PRRC2C: variants seen among roughly 807,000 people sequenced by gnomAD.
PRRC2C encodes protein PRRC2C.
Under a neutral mutation model 317.2 loss-of-function variants are expected in PRRC2C, and 72 were observed. That is an observed-to-expected ratio of 0.23 (90% CI 0.19 to 0.28). The LOEUF (loss-of-function observed/expected upper bound fraction) is 0.28, where lower values mean the gene tolerates loss of function less well. Among genes scored for constraint, PRRC2C ranks in the 10% least tolerant of loss-of-function variants. The probability of loss-of-function intolerance (pLI) is 1.00; values close to 1 mark genes in which losing one functional copy is unlikely to be tolerated. For synonymous variants in PRRC2C, 1,296 were observed against 1,205.9 expected, an observed-to-expected ratio of 1.07 and a Z score of -1.55; for missense variants, 3,074 against 3,459.7, an observed-to-expected ratio of 0.89 and a Z score of 2.80.
chr1:171,551,422 T>C (rs1229691042), intron 18 of PRRC2C, among the ~76,000 whole-genome samples: 1 of 152,240 alleles, frequency 6.6e-6, no homozygotes. Flanking sequence ...GCCTGTTCAC[T>C]CTGATGGTAG....
Position 171,524,950 on chromosome 1 carries a change from A to G in PRRC2C, c.1185A>G (p.Gly395=). The change falls in exon 10 of 35, where the codon GGA becomes GGG. Residue 395 remains glycine, a synonymous_variant. Coordinates refer to ENST00000647382, the MANE Select transcript of PRRC2C (RefSeq NM_001387844.1). ...TAGCAAAAGTTCCCTATGGGAAAGG[A>G]CCTTCATTTAATCAGGTTTGTTGGA... The part of the protein sequence containing the change: ...PSVAKVPYGK[G]PSFNQERGTS... 6.2e-7 allele frequency: 1 copy of G among 1,606,186 alleles called. No homozygotes were observed.
intron 18 of PRRC2C, among the ~76,000 whole-genome samples, chr1:171,551,633 T>C (rs1221953754): frequency 6.6e-6 from 1 of 152,174 alleles, no homozygotes. Flanking sequence ...TGAATTAGTT[T>C]TTGTATAAGG....
At position 171,533,690 on chromosome 1, in the gene PRRC2C, C is replaced by T. The variant is rs1261087516; in HGVS notation, c.1873+729C>T. On this transcript the variant is annotated intron_variant, in intron 12 of 34. Coordinates refer to ENST00000647382, the MANE Select transcript of PRRC2C (RefSeq NM_001387844.1). ...CCAGGCTGGAGTGCAGTGGCGGAAT[C>T]TCAGCTCACTGCAAACTCCACCTCC... Among the ~76,000 whole-genome samples, 6 of 152,150 alleles carry T rather than the reference C, an allele frequency of 3.9e-5. No homozygotes were observed. The East Asian group carries it at 1.2e-3, about 29-fold the overall frequency.
intron 1 of PRRC2C, among the ~76,000 whole-genome samples, chr1:171,507,642 T>TTC (rs1484738410): frequency 1.3e-5 from 2 of 152,240 alleles, no homozygotes; most frequent in East Asian, 3.9e-4. Flanking sequence ...TAATGCCTGG[T>TTC]GAAGCATGTC....
chr1:171,539,356 C>G (rs1321211761), intron 15 of PRRC2C, among the ~76,000 whole-genome samples: 1 of 152,174 alleles, frequency 6.6e-6, no homozygotes, highest in Non-Finnish European at 1.5e-5. Flanking sequence ...GATATATCCT[C>G]TTAACAAAAA....
chr1:171,524,744 T>C (rs1172313369), intron 9 of PRRC2C, 77 bp from the exon 10 acceptor site: 4 of 1,397,228 alleles, frequency 2.9e-6, no homozygotes, highest in African/African-American at 1.5e-5. Context: ...AGAAATAATT[T>C]TTTTAATTGC....
chr1:171,575,241 C>T (rs986824864), intron 25 of PRRC2C, 113 bp downstream of exon 25: 2 of 1,064,370 alleles, frequency 1.9e-6, no homozygotes, highest in Non-Finnish European at 2.7e-6. Flanking sequence ...TCAATCTTCC[C>T]ACCTCAGCCT....
chr1:171,555,887 TGAG>T (rs2102626485), intron 18 of PRRC2C, among the ~76,000 whole-genome samples: 1 of 152,324 alleles, frequency 6.6e-6, no homozygotes, highest in South Asian at 2.1e-4. Flanking sequence ...GGGACCCACT[TGAG>T]GAGGCAGTCT....
At position 171,507,846 on chromosome 1, in the gene PRRC2C, G is replaced by T. The variant is rs570339250; in HGVS notation, c.-57-4186G>T. ...TTGTATCAATATTTTATAGTTTTCA[G>T]TGTATGGGTATTTTGCTCCCTTGGT... On this transcript the variant is annotated intron_variant, in intron 1 of 34. Transcript: ENST00000647382. Among the ~76,000 whole-genome samples, 9 of 152,244 alleles carry T rather than the reference G, an allele frequency of 5.9e-5. No individual in the cohort carries two copies. In the South Asian group the frequency reaches 1.9e-3, roughly 32 times the overall value.
At chr1:171,528,498 A>G (rs866888077) in intron 11 of PRRC2C, among the ~76,000 whole-genome samples, 1 of 150,978 alleles carries the variant, frequency 6.6e-6, no homozygotes, top group Non-Finnish European at 1.5e-5. Flanking sequence ...TCACCGTGTT[A>G]GCCAGGACGG....
chr1:171,554,822 G>A (rs952084876), intron 18 of PRRC2C, among the ~76,000 whole-genome samples: 1 of 152,158 alleles, frequency 6.6e-6, no homozygotes, highest in African/African-American at 2.4e-5. Context: ...AGTTTCTGCC[G>A]AGAGATCAGC....
At chr1:171,523,652 A>G (rs979456374) in intron 9 of PRRC2C, 130 bp downstream of exon 9, 2 of 827,958 alleles carry the variant, frequency 2.4e-6, no homozygotes, top group East Asian at 5.3e-5. Flanking sequence ...CAGAAGTTTT[A>G]CTGAATAGAG....
At chr1:171,579,319 A>G (rs1345559148) in intron 26 of PRRC2C, 35 bp from the exon 27 acceptor site, 1 of 1,581,102 alleles carries the variant, frequency 6.3e-7, no homozygotes, top group East Asian at 2.3e-5. Flanking sequence ...AAATTAGGAC[A>G]CTTACTACTG....
At position 171,532,476 on chromosome 1, in the gene PRRC2C, G is replaced by A. The variant is rs1429543851; in HGVS notation, c.1388G>A (p.Arg463His). The part of the protein sequence containing the change: ...QQSEISAAVE[R>H]ARKRREEEER... ...TCAGAAATTTCTGCAGCAGTAGAACGTGCTCGTAAACGGCGTGAAGAGGAA... is the reference window on the plus strand; with the variant it reads ...TCAGAAATTTCTGCAGCAGTAGAACATGCTCGTAAACGGCGTGAAGAGGAA... Residue 463 changes from arginine (R) to histidine (H), a missense_variant, in exon 12 of 35, where the codon CGT becomes CAT. Transcript: ENST00000647382. The A allele has an allele frequency of 2.5e-6, 4 of 1,613,316 alleles. No homozygotes were observed. Among genetic ancestry groups the A allele is most frequent in the Non-Finnish European group, 2.5e-6 (3 of 1,179,606 alleles).
At chr1:171,569,251 A>AT (rs1684255074) in intron 23 of PRRC2C, among the ~76,000 whole-genome samples, 1 of 123,382 alleles carries the variant, frequency 8.1e-6, no homozygotes, top group Non-Finnish European at 1.7e-5. Context: ...ACAGATAAAT[A>AT]TTTAAAGGTC....
Position 171,592,147 on chromosome 1 carries a change from C to A in PRRC2C, c.*300C>A. On this transcript the variant is annotated 3_prime_UTR_variant, in exon 35 of 35. Transcript: ENST00000647382. ...TTTTTTTGAGTGCATATAATTTAGA[C>A]CTAAAAATCCTTATGATTAGATGAA... is the stretch of plus-strand genomic sequence containing the variant. 7.7e-6 allele frequency: 2 copies of A among 260,660 alleles called. No individual in the cohort carries two copies. Among genetic ancestry groups the A allele is most frequent in the South Asian group, 1.3e-4 (1 of 7,980 alleles). 16.1% of individuals were successfully genotyped at this position (260,660 alleles called of 1,614,324 possible).
At chr1:171,591,244 T>C in intron 34 of PRRC2C, 1 of 997,790 alleles carries the variant, frequency 1.0e-6, no homozygotes, top group Non-Finnish European at 1.2e-6. Flanking sequence ...CATTTTATTG[T>C]AGACCACATA....
chr1:171,516,521 G>A (rs1189116757), intron 5 of PRRC2C, among the ~76,000 whole-genome samples: 2 of 152,058 alleles, frequency 1.3e-5, no homozygotes, highest in Admixed American at 6.6e-5. Context: ...TTTTTCAAGC[G>A]TCATAATGTG....
intron 19 of PRRC2C, among the ~76,000 whole-genome samples, chr1:171,560,587 A>G (rs1013228288): frequency 1.8e-4 from 27 of 152,182 alleles, no homozygotes; most frequent in African/African-American, 5.8e-4. Context: ...CAACATCTCC[A>G]CTGGCAAGAT....
Sources: allele counts gnomAD v4.1 joint callset (sites outside exome capture counted in the v4.1 genomes callset), GRCh38; gene constraint gnomAD v4.1.1; transcripts MANE v1.5; gene names NCBI Gene and HGNC (gene_info 2026-07-23, HGNC 2026-07-21).